The following MAL2 variants were observed in gnomAD, a reference collection of about 807,000 sequenced individuals.
The protein encoded by MAL2 is protein MAL2.
MAL2 carries 17 observed loss-of-function variants against 18.1 expected under a neutral mutation model. That is an observed-to-expected ratio of 0.94 (90% CI 0.64 to 1.41). The LOEUF is 1.41. Among genes scored for constraint, MAL2 ranks in the 40% most tolerant of loss-of-function variants. The pLI, the probability that MAL2 is intolerant of heterozygous loss-of-function variation, is 0.00. For synonymous variants in MAL2, 102 were observed against 102.3 expected (o/e 1.00, Z 0.02); for missense variants, 222 against 231.9 (o/e 0.96, Z 0.28).
intron 2 of MAL2, among the ~76,000 whole-genome samples, 189 bp downstream of exon 2, chr8:119,221,946 ATC>A (rs1449229536): frequency 6.6e-6 from 1 of 151,972 alleles, no homozygotes; most frequent in Non-Finnish European, 1.5e-5. Context: ...AGTTTGCGAA[ATC>A]TCTGTGTTGA....
At chr8:119,235,245 A>C (rs1287165171) in intron 2 of MAL2, among the ~76,000 whole-genome samples, 1 of 152,186 alleles carries the variant, frequency 6.6e-6, no homozygotes, top group East Asian at 1.9e-4. Flanking sequence ...AGGGAAGTTT[A>C]GAGAAAAAAG....
rs1219697798 is a variant in MAL2, at chr8:119,243,748, G to A, written c.*260G>A. On this transcript the variant is annotated 3_prime_UTR_variant, in exon 4 of 4. Coordinates refer to ENST00000614891, the MANE Select transcript of MAL2 (RefSeq NM_052886.3). ...TATTTTCCTCCTTTTCTTTCTGAAA[G>A]TTTCCTTTTATGTCCATAAAATACA... The A allele has an allele frequency of 3.1e-6, 1 of 324,964 alleles. No homozygotes were observed. Among genetic ancestry groups the A allele is most frequent in the African/African-American group, 2.2e-5 (1 of 46,470 alleles). 20.1% of individuals were successfully genotyped at this position (324,964 alleles called of 1,614,324 possible).
intron 2 of MAL2, among the ~76,000 whole-genome samples, chr8:119,237,438 T>G (rs1459145384): frequency 6.6e-6 from 1 of 151,594 alleles, no homozygotes; most frequent in Non-Finnish European, 1.5e-5. Flanking sequence ...ACTCATTTTA[T>G]GAGGCCAGCA....
intron 3 of MAL2, among the ~76,000 whole-genome samples, chr8:119,240,708 G>T (rs965576046): frequency 2.6e-5 from 4 of 152,142 alleles, no homozygotes; most frequent in Non-Finnish European, 5.9e-5. Context: ...TCTATTGAAT[G>T]AATAGTTACT....
At chr8:119,231,414 T>C (rs544673067) in intron 2 of MAL2, among the ~76,000 whole-genome samples, 46 of 152,356 alleles carry the variant, frequency 3.0e-4, no homozygotes, top group African/African-American at 1.1e-3. Flanking sequence ...CTTTGTAATA[T>C]TGCTATAACG....
chr8:119,219,742 T>G (rs745486731), intron 1 of MAL2, among the ~76,000 whole-genome samples: 19 of 152,180 alleles, frequency 1.2e-4, no homozygotes, highest in Non-Finnish European at 2.4e-4. Flanking sequence ...AGCAGTATGC[T>G]GCCAAGAAGG....
rs1817218947 is a variant in MAL2, at chr8:119,208,488, GC to G, written c.17del (p.Ala6GlyfsTer68). MSAGG[A>X]SVPPPPNPAV... The stretch of plus-strand genomic sequence containing the variant: ...CAGCGGCAGCATGTCGGCCGGCGGA[GC>G]GTCAGTCCCGCCGCCCCCGAACCCC... On this transcript the variant is annotated frameshift_variant, in exon 1 of 4. Transcript: ENST00000614891. LOFTEE classifies it high-confidence loss of function. This position sits in a 1 kb window ranked among gnomAD's most constrained non-coding sequence, Gnocchi z 4.3. The G allele has an allele frequency of 7.8e-7, 1 of 1,281,176 alleles. No homozygotes were observed. Among genetic ancestry groups the G allele is most frequent in the African/African-American group, 1.5e-5 (1 of 64,896 alleles). The allele number at this position is 1,281,176 out of a possible 1,614,324, so 79.4% of individuals were successfully genotyped here. A position where few individuals can be genotyped will look rare whatever the true frequency, so the allele number is the denominator to read the frequency against.
intron 1 of MAL2, among the ~76,000 whole-genome samples, chr8:119,218,972 A>G (rs1817411131): frequency 6.6e-6 from 1 of 152,226 alleles, no homozygotes; most frequent in Non-Finnish European, 1.5e-5. Flanking sequence ...AAAGACTACC[A>G]GAAAGAAGAA....
chr8:119,225,966 T>G (rs973894685), intron 2 of MAL2, among the ~76,000 whole-genome samples: 1 of 152,182 alleles, frequency 6.6e-6, no homozygotes, highest in Non-Finnish European at 1.5e-5. Context: ...TTGATGGGGT[T>G]GTTTTTTTCT....
chr8:119,214,747 C>T (rs956956790), intron 1 of MAL2, among the ~76,000 whole-genome samples: 8 of 152,196 alleles, frequency 5.3e-5, no homozygotes, highest in Non-Finnish European at 7.3e-5. Flanking sequence ...CACTCTCAGA[C>T]ATATTTTTAA....
rs569924253 is a variant in MAL2, at chr8:119,241,313, A to C, written c.459+993A>C. Among the ~76,000 whole-genome samples the C allele has an allele frequency of 5.9e-5, 9 of 152,272 alleles. No homozygotes were observed. The South Asian group carries it at 1.9e-3, about 32-fold the overall frequency. The stretch of plus-strand genomic sequence containing the variant: ...TAGGCCGAGGTGGGAGGACTGCTTG[A>C]GGCCAAGAGTTTGAGACCAGCCTGG... On this transcript the variant is annotated intron_variant, in intron 3 of 3. Coordinates refer to ENST00000614891, the MANE Select transcript of MAL2 (RefSeq NM_052886.3).
chr8:119,225,772 C>T (rs1817582240), intron 2 of MAL2, among the ~76,000 whole-genome samples: 1 of 152,188 alleles, frequency 6.6e-6, no homozygotes, highest in African/African-American at 2.4e-5. Context: ...CACATCCTCT[C>T]CAGCACCTGT....
intron 1 of MAL2, chr8:119,215,307 G>A (rs541072988): frequency 6.6e-6 from 1 of 152,270 alleles, no homozygotes; most frequent in Admixed American, 6.5e-5. Flanking sequence ...GGAGTGAGCT[G>A]GGCTCCAGAC....
In MAL2 at chr8:119,245,051, T is replaced by C. The variant is rs546650149; in HGVS notation, c.*1563T>C. 98 of 152,610 alleles carry C rather than the reference T, an allele frequency of 6.4e-4. No individual in the cohort carries two copies. The highest frequency in any genetic ancestry group is 1.0e-3 in the Non-Finnish European group (69 of 68,030). The allele number at this position is 152,610 out of a possible 1,614,324, so 9.5% of individuals were successfully genotyped here. On this transcript the variant is annotated 3_prime_UTR_variant, in exon 4 of 4. Transcript: ENST00000614891. ...GTGCTTAATGATCAAGTGTTACTTA[T>C]CTAATAATCCTCTAGAAAGAACCCT...
At chr8:119,234,022 G>T (rs987735660) in intron 2 of MAL2, among the ~76,000 whole-genome samples, 15 of 152,160 alleles carry the variant, frequency 9.9e-5, no homozygotes, top group African/African-American at 3.4e-4. Context: ...GAAGACGGAT[G>T]ATTTCTGCAT....
chr8:119,222,748 A>G (rs1817492286), intron 2 of MAL2, among the ~76,000 whole-genome samples: 1 of 151,244 alleles, frequency 6.6e-6, no homozygotes, highest in Admixed American at 6.6e-5. Context: ...GGATCACTTG[A>G]GCCCAGGAAG....
intron 1 of MAL2, among the ~76,000 whole-genome samples, chr8:119,213,036 A>G (rs1189730270): frequency 1.3e-5 from 2 of 152,210 alleles, no homozygotes; most frequent in African/African-American, 4.8e-5. Context: ...GCTTATTGCA[A>G]TAGTTTAGAT....
chr8:119,236,999 C>T (rs1296179285), intron 2 of MAL2, among the ~76,000 whole-genome samples: 2 of 151,648 alleles, frequency 1.3e-5, no homozygotes, highest in East Asian at 1.9e-4. Flanking sequence ...TCAGTGAATC[C>T]AGGAGCTGGA....
At chr8:119,211,089 G>T (rs771507718) in intron 1 of MAL2, among the ~76,000 whole-genome samples, 2 of 152,180 alleles carry the variant, frequency 1.3e-5, no homozygotes, top group Non-Finnish European at 2.9e-5. Context: ...ATCTTGAGTG[G>T]ATGTACAGAT....
Sources: gnomAD v4.1 joint callset for allele counts (sites outside exome capture counted in the v4.1 genomes callset) on GRCh38, gnomAD v4.1.1 for gene constraint, Gnocchi (gnomAD v3.1) non-coding constraint, MANE v1.5 for transcripts, NCBI Gene and HGNC (gene_info 2026-07-23, HGNC 2026-07-21) for gene names.